Variants in DCAF6 observed in about 807,000 individuals in gnomAD.
DCAF6 encodes DDB1 and CUL4 associated factor 6, also known as DDB1- and CUL4-associated factor 6.
Under a neutral mutation model 125.1 loss-of-function variants are expected in DCAF6, and 54 were observed. The observed-to-expected ratio is 0.43, with a 90% CI of 0.35 to 0.54. The LOEUF (loss-of-function observed/expected upper bound fraction) is 0.54. DCAF6 is among the 20% of genes least tolerant of loss of function. The probability of loss-of-function intolerance (pLI) is 0.01; values close to 1 mark genes in which losing one functional copy is unlikely to be tolerated. For synonymous variants in DCAF6, 371 were observed against 390.4 expected, an observed-to-expected ratio of 0.95 and a Z score of 0.58; for missense variants, 934 against 1,161.7, an observed-to-expected ratio of 0.80 and a Z score of 2.85.
chr1:167,863,933 T>C, the DCAF6 span, among the ~76,000 whole-genome samples: 2 of 152,208 alleles, frequency 1.3e-5, no homozygotes, highest in Non-Finnish European at 2.9e-5. Context: ...GTTTTGGTTT[T>C]GACTTGGTTT....
chr1:168,059,069 T>C (rs1291046507), intron 17 of DCAF6, among the ~76,000 whole-genome samples: 8 of 152,348 alleles, frequency 5.3e-5, no homozygotes, highest in Non-Finnish European at 1.2e-4. Flanking sequence ...TTAAATTTTA[T>C]CAATCTTTTA....
the DCAF6 span, among the ~76,000 whole-genome samples, chr1:167,893,330 G>A: frequency 1.3e-5 from 2 of 152,252 alleles, no homozygotes; most frequent in South Asian, 2.1e-4. Flanking sequence ...CCTATTTTAT[G>A]CCTGTTGTCA....
Position 168,015,814 on chromosome 1 carries a change from G to A in DCAF6, c.1412G>A (p.Arg471His), listed in dbSNP as rs958436937. 4.9e-5 allele frequency: 75 copies of A among 1,526,318 alleles called. No individual in the cohort carries two copies. The highest frequency in any genetic ancestry group is 1.3e-4 in the African/African-American group (9 of 71,932). The allele number at this position is 1,526,318 out of a possible 1,614,324, so 94.5% of individuals were successfully genotyped here. ...FLRGPEIALL[R>H]KRLQQLRLKK... The stretch of plus-strand genomic sequence containing the variant: ...AGGGGCCCTGAGATAGCTTTGCTTC[G>A]TAAGCGCCTGCAACAACTGAGGCTT... Residue 471 changes from arginine to histidine, a missense_variant, in exon 11 of 22, where the codon CGT becomes CAT. Arg to His is a conservative substitution (Grantham distance 29, BLOSUM62 0). Around this residue, in one of 5 missense-constraint regions of DCAF6, gnomAD observed 559 missense variants for 635.5 expected, o/e 0.88. Transcript: ENST00000367840.
chr1:167,987,526 TTC>T lies in DCAF6; in HGVS notation c.476_477del (p.Ser159LeufsTer3). 6.2e-7 allele frequency: 1 copy of T among 1,604,030 alleles called. No individual in the cohort carries two copies. On this transcript the variant is annotated frameshift_variant, in exon 5 of 22. Coordinates refer to ENST00000367840, the MANE Select transcript of DCAF6 (RefSeq NM_001198956.2). LOFTEE classifies it high-confidence loss of function. ...ACTGTACCCAATGACCCTTACACTT[TTC>T]TCTCTTGTGGTGAAGATGGAACTGT...
intron 2 of DCAF6, among the ~76,000 whole-genome samples, chr1:167,962,685 G>T (rs374602996): frequency 1.3e-5 from 2 of 152,118 alleles, no homozygotes; most frequent in Admixed American, 1.3e-4. Flanking sequence ...GCTGGGTGCG[G>T]TGGCTCACCC....
the DCAF6 span, chr1:167,901,551 C>T: frequency 8.8e-7 from 1 of 1,134,946 alleles, no homozygotes; most frequent in Non-Finnish European, 1.3e-6. Flanking sequence ...TTCAGGGCAT[C>T]ATGGGGCTGA....
the DCAF6 span, among the ~76,000 whole-genome samples, chr1:167,911,273 G>GT: frequency 2.0e-5 from 3 of 152,210 alleles, no homozygotes; most frequent in Non-Finnish European, 2.9e-5. Context: ...GGAATAAATA[G>GT]TAACTTATCT....
rs552460939 is a variant in DCAF6, at chr1:168,071,452, A to G, written c.2791+2989A>G. On this transcript the variant is annotated intron_variant, in intron 21 of 21. Coordinates refer to ENST00000367840, the MANE Select transcript of DCAF6 (RefSeq NM_001198956.2). ...AACCCCGTCTCTATAAAAATAAAAA[A>G]TAAAAAAAATTATAAATACAAAAAT... is the stretch of plus-strand genomic sequence containing the variant. Among the ~76,000 whole-genome samples, 4 of 152,232 alleles carry G rather than the reference A, an allele frequency of 2.6e-5. No individual in the cohort carries two copies. The South Asian group carries it at 8.3e-4, about 32-fold the overall frequency.
the DCAF6 span, among the ~76,000 whole-genome samples, chr1:167,887,436 A>G: frequency 2.0e-5 from 3 of 152,192 alleles, no homozygotes; most frequent in Non-Finnish European, 4.4e-5. Flanking sequence ...TGAGCAAACT[A>G]TCACAAGGAT....
At chr1:167,886,095 T>A in the DCAF6 span, among the ~76,000 whole-genome samples, 1 of 151,956 alleles carries the variant, frequency 6.6e-6, no homozygotes, top group Non-Finnish European at 1.5e-5. Flanking sequence ...ATAGGAAAAA[T>A]CAATATCATG....
chr1:167,923,562 T>C, the DCAF6 span, among the ~76,000 whole-genome samples: 7 of 152,096 alleles, frequency 4.6e-5, no homozygotes, highest in African/African-American at 9.7e-5. Flanking sequence ...TGGGGAATTA[T>C]GGGTACAGAG....
chr1:167,954,102 G>A (rs1295920301), intron 2 of DCAF6, among the ~76,000 whole-genome samples: 1 of 151,864 alleles, frequency 6.6e-6, no homozygotes, highest in Non-Finnish European at 1.5e-5. Context: ...CACCTCCTGG[G>A]TTCAAGTGAT....
the DCAF6 span, among the ~76,000 whole-genome samples, chr1:167,876,932 G>A: frequency 3.9e-5 from 6 of 152,142 alleles, no homozygotes; most frequent in African/African-American, 1.2e-4. Context: ...GACACATAGA[G>A]CCAGATTGCC....
chr1:167,964,015 T>C (rs1307133009), intron 2 of DCAF6, among the ~76,000 whole-genome samples: 1 of 152,244 alleles, frequency 6.6e-6, no homozygotes, highest in Non-Finnish European at 1.5e-5. Flanking sequence ...ATGTGCTAGA[T>C]ATAAGCATAG....
At chr1:167,985,923 A>G (rs373273815) in intron 4 of DCAF6, among the ~76,000 whole-genome samples, 2 of 152,162 alleles carry the variant, frequency 1.3e-5, no homozygotes, top group Non-Finnish European at 2.9e-5. Context: ...TTAAAAGTAC[A>G]GGTTAGTTTG....
In DCAF6 at chr1:168,063,695, C is replaced by T. The variant is rs767187961; in HGVS notation, c.2375C>T (p.Thr792Ile). ...AGGAAAGAAATGGAAGAATTGGATACTTTGAACATTAGAAGGCCGCTAGTA... is the reference window on the plus strand; with the variant it reads ...AGGAAAGAAATGGAAGAATTGGATATTTTGAACATTAGAAGGCCGCTAGTA... ...KERKEMEELD[T>I]LNIRRPLVKM... The change falls in exon 18 of 22, where the codon ACT (threonine) becomes ATT (isoleucine). Residue 792 changes from threonine to isoleucine, a missense_variant. Physicochemically the swap from Thr to Ile is moderately conservative, Grantham distance 89. Around this residue, in one of 5 missense-constraint regions of DCAF6, gnomAD observed 559 missense variants for 635.5 expected, o/e 0.88. Transcript: ENST00000367840. The T allele has an allele frequency of 6.2e-7, 1 of 1,604,652 alleles. No homozygotes were observed. Among genetic ancestry groups the T allele is most frequent in the Admixed American group, 1.7e-5 (1 of 58,290 alleles).
chr1:167,976,886 GTTTTTTTTTTTTTTTTTTTTTT>G (rs397981860), intron 4 of DCAF6, among the ~76,000 whole-genome samples: 1,436 of 38,266 alleles, frequency 0.038, 87 homozygotes, highest in African/African-American at 0.11. Context: ...TCCTTTAGCA[GTTTTTTTTTTTTTTTTTTTTTT>G]TTTTTTTTTT....
intron 8 of DCAF6, 112 bp downstream of exon 8, chr1:168,002,687 A>G (rs1469022527): frequency 4.1e-6 from 3 of 733,218 alleles, no homozygotes; most frequent in South Asian, 2.3e-5. Context: ...TCTTATACAT[A>G]TAGGTATACT....
chr1:167,894,058 T>C, the DCAF6 span: 2 of 730,394 alleles, frequency 2.7e-6, no homozygotes, highest in Non-Finnish European at 4.9e-6. Context: ...GTCCTTACAG[T>C]TGTCAGGAGA....
Sources: gnomAD v4.1 joint callset for allele counts (sites outside exome capture counted in the v4.1 genomes callset) on GRCh38, gnomAD v4.1.1 for gene constraint, gnomAD v4.1.1 regional missense constraint, MANE v1.5 for transcripts, NCBI Gene and HGNC (gene_info 2026-07-23, HGNC 2026-07-21) for gene names.